Variants in RELL2 observed in about 807,000 individuals in gnomAD.
The protein encoded by RELL2 is RELT like 2.
RELL2 carries 18 observed loss-of-function variants against 27.5 expected under a neutral mutation model. That is an observed-to-expected ratio of 0.65 (90% CI 0.45 to 0.97). The LOEUF (loss-of-function observed/expected upper bound fraction) is 0.97, where lower values mean the gene tolerates loss of function less well. Among genes scored for constraint, RELL2 ranks in the 50% least tolerant of loss-of-function variants. The pLI is 0.00. For missense variants in RELL2, 370 were observed against 397.5 expected (o/e 0.93, Z 0.59); for synonymous variants, 156 against 147.5 (o/e 1.06, Z -0.42).
Position 141,637,116 on chromosome 5 carries a change from A to G in RELL2, c.-1110A>G, listed in dbSNP as rs1473842344. ...GCCATCCCATCCAGCCGCTTGCCCC[A>G]AACCGGGCGCAGGCCGTGGTCACTT... On this transcript the variant is annotated 5_prime_UTR_variant, in exon 1 of 7. Transcript: ENST00000297164. 2.1e-5 allele frequency: 6 copies of G among 280,212 alleles called. No homozygotes were observed. Among genetic ancestry groups the G allele is most frequent in the Non-Finnish European group, 4.0e-5 (6 of 150,546 alleles). 17.4% of individuals were successfully genotyped at this position (280,212 alleles called of 1,614,324 possible).
chr5:141,640,529 C>A (rs571156836), intron 6 of RELL2, 84 bp downstream of exon 6: 2 of 1,606,140 alleles, frequency 1.2e-6, no homozygotes, highest in South Asian at 2.2e-5. Flanking sequence ...CTCCCTGAAC[C>A]CCCCGAGTAA....
In RELL2 at chr5:141,641,059, C is replaced by T. The variant is rs1403015420; in HGVS notation, c.*390C>T. 2 of 326,610 alleles carry T rather than the reference C, an allele frequency of 6.1e-6. No homozygotes were observed. The highest frequency in any genetic ancestry group is 2.1e-5 in the African/African-American group (1 of 47,038). 20.2% of individuals were successfully genotyped at this position (326,610 alleles called of 1,614,324 possible). A position where few individuals can be genotyped will look rare whatever the true frequency, so the allele number is the denominator to read the frequency against. On this transcript the variant is annotated 3_prime_UTR_variant, in exon 7 of 7. Transcript: ENST00000297164. ...TTCATTGTCAATAAATCCGCTCAGA[C>T]CATTACAGCTGCTTCGCATCCTGGC...
Position 141,639,390 on chromosome 5 carries a change from T to C in RELL2, c.318-74T>C, listed in dbSNP as rs563233016. 8.3e-6 allele frequency: 11 copies of C among 1,322,192 alleles called. No homozygotes were observed. The highest frequency in any genetic ancestry group is 1.1e-5 in the Non-Finnish European group (11 of 956,862). The allele number at this position is 1,322,192 out of a possible 1,614,324, so 81.9% of individuals were successfully genotyped here. On this transcript the variant is annotated intron_variant, in intron 3 of 6. Transcript: ENST00000297164. The surrounding 1 kb of genome is among the most constrained non-coding windows in gnomAD (Gnocchi z 4.4). ...GCTTCTGGGGTTTTAAGGAGCATGCTGAAAGAACGTAAGAAACAAAACATG... is the reference window on the plus strand; with the variant it reads ...GCTTCTGGGGTTTTAAGGAGCATGCCGAAAGAACGTAAGAAACAAAACATG...
Position 141,639,980 on chromosome 5 carries a change from C to A in RELL2, c.564C>A (p.Pro188=), listed in dbSNP as rs774973573. 1.2e-6 allele frequency: 2 copies of A among 1,613,900 alleles called. No individual in the cohort carries two copies. Among genetic ancestry groups the A allele is most frequent in the Admixed American group, 1.7e-5 (1 of 60,022 alleles). Residue 188 remains proline, a synonymous_variant, in exon 5 of 7, where the codon CCC becomes CCA. Coordinates refer to ENST00000297164, the MANE Select transcript of RELL2 (RefSeq NM_173828.5). The surrounding 1 kb of genome is among the most constrained non-coding windows in gnomAD (Gnocchi z 4.4). The part of the protein sequence containing the change: ...YGLHEHRDGS[P]TDRSWGSGGG... ...TGCACGAACACCGTGATGGCTCCCCCACAGACAGGAGCTGGGGCTCTGGTG... is the reference window on the plus strand; with the variant it reads ...TGCACGAACACCGTGATGGCTCCCCAACAGACAGGAGCTGGGGCTCTGGTG...
chr5:141,639,207 A>T lies in RELL2; in HGVS notation c.317+186A>T, dbSNP rs180844101. 1.6e-6 allele frequency: 1 copy of T among 624,382 alleles called. No homozygotes were observed. The highest frequency in any genetic ancestry group is 2.8e-6 in the Non-Finnish European group (1 of 358,604). 38.7% of individuals were successfully genotyped at this position (624,382 alleles called of 1,614,324 possible). A position where few individuals can be genotyped will look rare whatever the true frequency, so the allele number is the denominator to read the frequency against. On this transcript the variant is annotated intron_variant, in intron 3 of 6. Transcript: ENST00000297164. The surrounding 1 kb of genome is among the most constrained non-coding windows in gnomAD (Gnocchi z 4.4). ...TTCAAACCATCTCTCTCATCTAGAT[A>T]TCATCAAGCCTAACATTCACCTCTA...
chr5:141,639,937 T>A lies in RELL2; in HGVS notation c.521T>A (p.Ile174Asn). 4.3e-6 allele frequency: 7 copies of A among 1,613,710 alleles called. No individual in the cohort carries two copies. Among genetic ancestry groups the A allele is most frequent in the Non-Finnish European group, 5.9e-6 (7 of 1,179,870 alleles). The change falls in exon 5 of 7, where the codon ATT becomes AAT. Residue 174 changes from isoleucine to asparagine, a missense_variant. Coordinates refer to ENST00000297164, the MANE Select transcript of RELL2 (RefSeq NM_173828.5). This position sits in a 1 kb window ranked among gnomAD's most constrained non-coding sequence, Gnocchi z 4.4. ...FSVGRFRVTH[I>N]EKRYGLHEHR... ...CCTCCCAGGTTCCGGGTGACACACATTGAGAAGCGCTATGGACTGCACGAA... is the reference window on the plus strand; with the variant it reads ...CCTCCCAGGTTCCGGGTGACACACAATGAGAAGCGCTATGGACTGCACGAA...
intron 1 of RELL2, 61 bp downstream of exon 1, chr5:141,638,470 C>A: frequency 6.8e-7 from 1 of 1,474,626 alleles, no homozygotes; most frequent in South Asian, 1.3e-5. Context: ...CACACCTCTG[C>A]CTCCCTGACC....
rs1266643541 is a variant in RELL2, at chr5:141,640,775, C to T, written c.*106C>T. 10 of 1,105,716 alleles carry T rather than the reference C, an allele frequency of 9.0e-6. No individual in the cohort carries two copies. The highest frequency in any genetic ancestry group is 1.3e-5 in the Non-Finnish European group (10 of 783,606). The allele number at this position is 1,105,716 out of a possible 1,614,324, so 68.5% of individuals were successfully genotyped here. ...CAGCACTGCCCCCCAGCTGAGGGAC[C>T]AGCTCTACTTCCACCTGGAGTTGCA... On this transcript the variant is annotated 3_prime_UTR_variant, in exon 7 of 7. Coordinates refer to ENST00000297164, the MANE Select transcript of RELL2 (RefSeq NM_173828.5).
Position 141,638,823 on chromosome 5 carries a change from A to G in RELL2, c.213A>G (p.Thr71=). 1.9e-6 allele frequency: 3 copies of G among 1,614,200 alleles called. No homozygotes were observed. The highest frequency in any genetic ancestry group is 2.5e-6 in the Non-Finnish European group (3 of 1,180,004). The change falls in exon 2 of 7, where the codon ACA becomes ACG. Residue 71 remains threonine, a synonymous_variant. Coordinates refer to ENST00000297164, the MANE Select transcript of RELL2 (RefSeq NM_173828.5). ...PPEDDDMNED[T]VERIVRCIIQ... is the part of the protein sequence containing the mutation. Reference sequence around the variant, plus strand: ...AGGACGATGACATGAATGAGGACACAGTAGAGAGGATTGTTCGCTGCATCA... The same window carrying G: ...AGGACGATGACATGAATGAGGACACGGTAGAGAGGATTGTTCGCTGCATCA...
In RELL2 at chr5:141,637,942, G is replaced by A; in HGVS notation, c.-284G>A. Reference sequence around the variant, plus strand: ...TGCAGTGTCCTTGGGAGGGACAGAAGCGCGAACAAGCTGGAAAGGGGAACG... The same window carrying A: ...TGCAGTGTCCTTGGGAGGGACAGAAACGCGAACAAGCTGGAAAGGGGAACG... On this transcript the variant is annotated 5_prime_UTR_variant, in exon 1 of 7. Transcript: ENST00000297164. 2 of 387,088 alleles carry A rather than the reference G, an allele frequency of 5.2e-6. No homozygotes were observed. Among genetic ancestry groups the A allele is most frequent in the South Asian group, 3.5e-5 (1 of 28,948 alleles). The allele number at this position is 387,088 out of a possible 1,614,324, so 24.0% of individuals were successfully genotyped here. A position where few individuals can be genotyped will look rare whatever the true frequency, so the allele number is the denominator to read the frequency against.
Position 141,640,762 on chromosome 5 carries a change from C to A in RELL2, c.*93C>A. 1 of 1,244,082 alleles carries A rather than the reference C, an allele frequency of 8.0e-7. No individual in the cohort carries two copies. 77.1% of individuals were successfully genotyped at this position (1,244,082 alleles called of 1,614,324 possible). A position where few individuals can be genotyped will look rare whatever the true frequency, so the allele number is the denominator to read the frequency against. On this transcript the variant is annotated 3_prime_UTR_variant, in exon 7 of 7. Coordinates refer to ENST00000297164, the MANE Select transcript of RELL2 (RefSeq NM_173828.5). ...CCCCTCCACTGGACAGCACTGCCCC[C>A]CAGCTGAGGGACCAGCTCTACTTCC...
rs1401175121 is a variant in RELL2, at chr5:141,640,414, G to A, written c.882G>A (p.Val294=). The A allele has an allele frequency of 1.2e-6, 2 of 1,614,176 alleles. No homozygotes were observed. The highest frequency in any genetic ancestry group is 1.6e-4 in the Middle Eastern group (1 of 6,062). Reference sequence around the variant, plus strand: ...TTGACCCCTCCCCTTTCTCTCAGGTGTCTCTACCACAGGGAGCAGGGAGTA... The same window carrying A: ...TTGACCCCTCCCCTTTCTCTCAGGTATCTCTACCACAGGGAGCAGGGAGTA... ...PSKPDTSDHQ[V]SLPQGAGSM is the part of the protein sequence containing the mutation. Residue 294 remains valine (V), a splice_region_variant and synonymous_variant, in exon 6 of 7, where the codon GTG becomes GTA. Coordinates refer to ENST00000297164, the MANE Select transcript of RELL2 (RefSeq NM_173828.5).
intron 6 of RELL2, 58 bp from the exon 7 acceptor site, chr5:141,640,613 G>C: frequency 6.5e-7 from 1 of 1,540,490 alleles, no homozygotes; most frequent in Non-Finnish European, 8.7e-7. Flanking sequence ...AGCCCCAGGG[G>C]AAAAGCTGGA....
In RELL2 at chr5:141,639,983, A is replaced by C. The variant is rs200873530; in HGVS notation, c.567A>C (p.Thr189=). 164 of 1,613,762 alleles carry C rather than the reference A, an allele frequency of 1.0e-4. No homozygotes were observed. In the African/African-American group the frequency reaches 1.1e-3, roughly 11 times the overall value. The change falls in exon 5 of 7, where the codon ACA becomes ACC. Residue 189 remains threonine, a synonymous_variant. Coordinates refer to ENST00000297164, the MANE Select transcript of RELL2 (RefSeq NM_173828.5). This position sits in a 1 kb window ranked among gnomAD's most constrained non-coding sequence, Gnocchi z 4.4. ...ACGAACACCGTGATGGCTCCCCCAC[A>C]GACAGGAGCTGGGGCTCTGGTGGGG... ...GLHEHRDGSP[T]DRSWGSGGGQ...
rs113249351 is a variant in RELL2, at chr5:141,637,916, C to T, written c.-310C>T. On this transcript the variant is annotated 5_prime_UTR_variant, in exon 1 of 7. Transcript: ENST00000297164. Reference sequence around the variant, plus strand: ...CCTAAGAATGCCGTCCCATCTCGTGCTGCAGTGTCCTTGGGAGGGACAGAA... The same window carrying T: ...CCTAAGAATGCCGTCCCATCTCGTGTTGCAGTGTCCTTGGGAGGGACAGAA... 2,937 of 295,452 alleles carry T rather than the reference C, an allele frequency of 9.9e-3. 24 individuals carry two copies. Among genetic ancestry groups the T allele is most frequent in the Middle Eastern group, 0.02 (18 of 900 alleles). 18.3% of individuals were successfully genotyped at this position (295,452 alleles called of 1,614,324 possible).
chr5:141,640,813 G>GT lies in RELL2; in HGVS notation c.*144_*145insT. 1.3e-6 allele frequency: 1 copy of GT among 778,958 alleles called. No individual in the cohort carries two copies. Among genetic ancestry groups the GT allele is most frequent in the Non-Finnish European group, 2.0e-6 (1 of 498,676 alleles). 48.3% of individuals were successfully genotyped at this position (778,958 alleles called of 1,614,324 possible). ...ACCTGGAGTTGCACAGTCTCAGGCT[G>GT]GGGGCCTCAGGAGAGGTCACAGCCC... On this transcript the variant is annotated 3_prime_UTR_variant, in exon 7 of 7. Transcript: ENST00000297164.
In RELL2 at chr5:141,640,922, C is replaced by T. The variant is rs1427742450; in HGVS notation, c.*253C>T. ...CCTCGCTCCATATGATAGAGCGTGG[C>T]AGCTGGGAGCAGGCCCCTGCCCGTG... On this transcript the variant is annotated 3_prime_UTR_variant, in exon 7 of 7. Transcript: ENST00000297164. 2 of 535,520 alleles carry T rather than the reference C, an allele frequency of 3.7e-6. No homozygotes were observed. The highest frequency in any genetic ancestry group is 6.6e-6 in the Non-Finnish European group (2 of 303,620). 33.2% of individuals were successfully genotyped at this position (535,520 alleles called of 1,614,324 possible).
At position 141,640,792 on chromosome 5, in the gene RELL2, G is replaced by A. The variant is rs1210993510; in HGVS notation, c.*123G>A. The A allele has an allele frequency of 1.2e-5, 11 of 936,956 alleles. No homozygotes were observed. The highest frequency in any genetic ancestry group is 2.9e-4 in the Middle Eastern group (1 of 3,472). 58.0% of individuals were successfully genotyped at this position (936,956 alleles called of 1,614,324 possible). A position where few individuals can be genotyped will look rare whatever the true frequency, so the allele number is the denominator to read the frequency against. On this transcript the variant is annotated 3_prime_UTR_variant, in exon 7 of 7. Coordinates refer to ENST00000297164, the MANE Select transcript of RELL2 (RefSeq NM_173828.5). ...TGAGGGACCAGCTCTACTTCCACCTGGAGTTGCACAGTCTCAGGCTGGGGG... is the reference window on the plus strand; with the variant it reads ...TGAGGGACCAGCTCTACTTCCACCTAGAGTTGCACAGTCTCAGGCTGGGGG...
chr5:141,640,674 CCTT>C lies in RELL2; in HGVS notation c.*7_*9del. The C allele has an allele frequency of 1.3e-6, 2 of 1,535,666 alleles. No individual in the cohort carries two copies. Among genetic ancestry groups the C allele is most frequent in the Non-Finnish European group, 1.7e-6 (2 of 1,146,502 alleles). ...GTTATTCTTCCTCTTCTCCAAGTCT[CCTT>C]CATTGTGCTGATGGACTACCAGCTG... On this transcript the variant is annotated 3_prime_UTR_variant, in exon 7 of 7. Transcript: ENST00000297164.
Sources: gnomAD v4.1 joint callset for allele counts on GRCh38, gnomAD v4.1.1 for gene constraint, Gnocchi (gnomAD v3.1) non-coding constraint, MANE v1.5 for transcripts, NCBI Gene and HGNC (gene_info 2026-07-23, HGNC 2026-07-21) for gene names.